Variants in NOS1AP observed in about 807,000 individuals in gnomAD.
NOS1AP encodes carboxyl-terminal PDZ ligand of neuronal nitric oxide synthase protein.
NOS1AP carries 21 observed loss-of-function variants against 56.2 expected under a neutral mutation model. The ratio of observed to expected loss-of-function variants is 0.37; its 90% CI spans 0.26 to 0.54. The LOEUF (loss-of-function observed/expected upper bound fraction) is 0.54, where lower values mean the gene tolerates loss of function less well. Among genes scored for constraint, NOS1AP ranks in the 20% least tolerant of loss-of-function variants. The pLI is 0.84. For synonymous variants in NOS1AP, 270 were observed against 274.6 expected (o/e 0.98, Z 0.17); for missense variants, 522 against 657.8 (o/e 0.79, Z 2.26).
chr1:162,089,595 T>C (rs1169022383), intron 1 of NOS1AP, among the ~76,000 whole-genome samples: 2 of 152,218 alleles, frequency 1.3e-5, no homozygotes, highest in Non-Finnish European at 2.9e-5. Context: ...TGATTAAGTT[T>C]AGGATCTTGA....
intron 2 of NOS1AP, among the ~76,000 whole-genome samples, chr1:162,275,147 G>A (rs532266332): frequency 3.3e-5 from 5 of 152,110 alleles, no homozygotes; most frequent in African/African-American, 1.2e-4. Flanking sequence ...ATAAACCCAG[G>A]TCACAAAGTT....
intron 4 of NOS1AP, among the ~76,000 whole-genome samples, chr1:162,328,819 C>T (rs549896845): frequency 2.0e-5 from 3 of 152,214 alleles, no homozygotes; most frequent in African/African-American, 7.2e-5. Flanking sequence ...GGATCAGATA[C>T]TTTGTTAGAG....
At chr1:162,282,065 A>G (rs1654950504) in intron 2 of NOS1AP, among the ~76,000 whole-genome samples, 1 of 152,196 alleles carries the variant, frequency 6.6e-6, no homozygotes, top group Non-Finnish European at 1.5e-5. Flanking sequence ...GCACCATTGC[A>G]CTCCAGCCTG....
chr1:162,199,868 C>A (rs770971510), intron 2 of NOS1AP, among the ~76,000 whole-genome samples: 2 of 152,068 alleles, frequency 1.3e-5, no homozygotes, highest in African/African-American at 2.4e-5. Context: ...CTGGGAATTC[C>A]GTATGGAAAT....
intron 6 of NOS1AP, among the ~76,000 whole-genome samples, chr1:162,353,279 C>T (rs554469718): frequency 4.7e-4 from 72 of 152,290 alleles, no homozygotes; most frequent in Middle Eastern, 6.8e-3. Context: ...AATGCTGACT[C>T]GTCCTGGTCA....
At chr1:162,326,320 G>A (rs781508206) in intron 4 of NOS1AP, among the ~76,000 whole-genome samples, 9 of 152,148 alleles carry the variant, frequency 5.9e-5, no homozygotes, top group Non-Finnish European at 1.3e-4. Flanking sequence ...ACCTTTCACA[G>A]CCTCTGCAGT....
At chr1:162,199,410 A>G (rs1398194195) in intron 2 of NOS1AP, among the ~76,000 whole-genome samples, 1 of 152,176 alleles carries the variant, frequency 6.6e-6, no homozygotes, top group African/African-American at 2.4e-5. Context: ...ATAGCAGGAA[A>G]CTGACATAGC....
intron 2 of NOS1AP, among the ~76,000 whole-genome samples, chr1:162,279,804 C>T (rs1410600086): frequency 6.6e-6 from 1 of 152,162 alleles, no homozygotes; most frequent in East Asian, 1.9e-4. Flanking sequence ...AGCCATGATT[C>T]TGAGCTACTA....
At chr1:162,266,428 A>G (rs926052605) in intron 2 of NOS1AP, among the ~76,000 whole-genome samples, 5 of 152,218 alleles carry the variant, frequency 3.3e-5, no homozygotes, top group Admixed American at 3.3e-4. Context: ...AGGAAGGGTT[A>G]GGTGTTAGAT....
intron 4 of NOS1AP, among the ~76,000 whole-genome samples, chr1:162,310,362 A>G (rs1287278517): frequency 6.6e-6 from 1 of 152,192 alleles, no homozygotes; most frequent in African/African-American, 2.4e-5. Context: ...TCAGCCTCGC[A>G]TTGCCTAAGG....
chr1:162,318,220 A>G (rs145006658), intron 4 of NOS1AP, among the ~76,000 whole-genome samples: 5 of 152,298 alleles, frequency 3.3e-5, no homozygotes, highest in Admixed American at 6.5e-5. Context: ...GCCATCCTAA[A>G]AAGAAAAGAT....
At position 162,087,198 on chromosome 1, in the gene NOS1AP, G is replaced by A. The variant is rs551707143; in HGVS notation, c.105+16916G>A. The stretch of plus-strand genomic sequence containing the variant: ...CTGACATCCCTTGAATGCTATGGAT[G>A]TCCAGTAGCTCGTGACAGTGATGCC... On this transcript the variant is annotated intron_variant, in intron 1 of 9. Transcript: ENST00000361897. Among the ~76,000 whole-genome samples, 11 of 152,286 alleles carry A rather than the reference G, an allele frequency of 7.2e-5. No individual in the cohort carries two copies. In the South Asian group the frequency reaches 2.3e-3, roughly 32 times the overall value.
intron 1 of NOS1AP, among the ~76,000 whole-genome samples, chr1:162,072,924 G>T (rs921035185): frequency 6.6e-6 from 1 of 152,170 alleles, no homozygotes; most frequent in Admixed American, 6.5e-5. Flanking sequence ...TGCCTTGTCG[G>T]GTACCCTTGG....
At chr1:162,162,412 A>T (rs1650264301) in intron 2 of NOS1AP, among the ~76,000 whole-genome samples, 1 of 152,220 alleles carries the variant, frequency 6.6e-6, no homozygotes, top group South Asian at 2.1e-4. Context: ...GCTGATATGT[A>T]GCCATAGTTC....
chr1:162,301,155 A>T (rs1404408431), intron 4 of NOS1AP, among the ~76,000 whole-genome samples: 1 of 152,194 alleles, frequency 6.6e-6, no homozygotes, highest in Non-Finnish European at 1.5e-5. Flanking sequence ...GAAAGTCACA[A>T]ATGTGTCTAC....
At chr1:162,261,920 C>T (rs972424057) in intron 2 of NOS1AP, among the ~76,000 whole-genome samples, 2 of 152,060 alleles carry the variant, frequency 1.3e-5, no homozygotes, top group African/African-American at 4.8e-5. Context: ...GGTAGGAATT[C>T]AGAGGAAAGA....
At chr1:162,251,338 C>T (rs1198761058) in intron 2 of NOS1AP, among the ~76,000 whole-genome samples, 1 of 152,074 alleles carries the variant, frequency 6.6e-6, no homozygotes, top group Non-Finnish European at 1.5e-5. Flanking sequence ...CCCTGATCCC[C>T]ATGCCATTCA....
At chr1:162,359,573 T>A (rs1657820891) in intron 8 of NOS1AP, among the ~76,000 whole-genome samples, 1 of 152,232 alleles carries the variant, frequency 6.6e-6, no homozygotes, top group African/African-American at 2.4e-5. Context: ...TTCTTTGTAG[T>A]GTTTAATTCA....
chr1:162,324,458 G>A (rs1168903460), intron 4 of NOS1AP, among the ~76,000 whole-genome samples: 1 of 108,634 alleles, frequency 9.2e-6, no homozygotes, highest in Non-Finnish European at 1.7e-5. Flanking sequence ...TCCCTGTCAA[G>A]TACTGAACAA....
Sources: gnomAD v4.1 joint callset for allele counts (sites outside exome capture counted in the v4.1 genomes callset) on GRCh38, gnomAD v4.1.1 for gene constraint, MANE v1.5 for transcripts, NCBI Gene and HGNC (gene_info 2026-07-23, HGNC 2026-07-21) for gene names.